RAP1A: variants seen among roughly 807,000 people sequenced by gnomAD.
The protein encoded by RAP1A is ras-related protein Rap-1A.
Under a neutral mutation model 26.4 loss-of-function variants are expected in RAP1A, and 6 were observed. That is an observed-to-expected ratio of 0.23 (90% CI 0.12 to 0.45). The LOEUF (loss-of-function observed/expected upper bound fraction) is 0.45, where lower values mean the gene tolerates loss of function less well. Among genes scored for constraint, RAP1A ranks in the 20% least tolerant of loss-of-function variants. The pLI is 0.99. For missense variants in RAP1A, 121 were observed against 217.2 expected, an observed-to-expected ratio of 0.56 and a Z score of 2.78; for synonymous variants, 73 against 79.4, an observed-to-expected ratio of 0.92 and a Z score of 0.43.
chr1:111,547,286 T>C (rs1657067197), intron 1 of RAP1A, among the ~76,000 whole-genome samples: 1 of 152,124 alleles, frequency 6.6e-6, no homozygotes, highest in Non-Finnish European at 1.5e-5. Flanking sequence ...TGGTCTGGTG[T>C]GTTTTTAAAT....
chr1:111,586,645 A>C (rs1658370262), intron 1 of RAP1A, among the ~76,000 whole-genome samples: 1 of 152,208 alleles, frequency 6.6e-6, no homozygotes, highest in Non-Finnish European at 1.5e-5. Context: ...GAACTGATGA[A>C]CTGAGATGTC....
At chr1:111,624,846 A>G (rs936301200) in intron 1 of RAP1A, among the ~76,000 whole-genome samples, 7 of 152,206 alleles carry the variant, frequency 4.6e-5, no homozygotes, top group Admixed American at 4.6e-4. Flanking sequence ...ATAAACTCCA[A>G]TCAGTAGACA....
intron 1 of RAP1A, among the ~76,000 whole-genome samples, chr1:111,688,813 T>G (rs543031523): frequency 8.2e-5 from 6 of 73,148 alleles, no homozygotes; most frequent in Non-Finnish European, 1.5e-4. Flanking sequence ...TTTTTGTTTT[T>G]TTTTTTTTGT....
chr1:111,609,786 C>T (rs529231654), intron 1 of RAP1A, among the ~76,000 whole-genome samples: 3 of 152,268 alleles, frequency 2.0e-5, no homozygotes, highest in African/African-American at 4.8e-5. Flanking sequence ...CAGGCACGCA[C>T]CACCATACCC....
At chr1:111,635,225 T>A (rs1402315146) in intron 1 of RAP1A, among the ~76,000 whole-genome samples, 1 of 152,192 alleles carries the variant, frequency 6.6e-6, no homozygotes, top group African/African-American at 2.4e-5. Context: ...TTGGAAACCT[T>A]TTGATTCTTC....
At chr1:111,564,059 G>A (rs1657855148) in intron 1 of RAP1A, 2 of 811,842 alleles carry the variant, frequency 2.5e-6, no homozygotes, top group Middle Eastern at 3.5e-4. Flanking sequence ...CTGTTTTGGG[G>A]GGTAGAGAAT....
chr1:111,709,489 T>TG lies in RAP1A; in HGVS notation c.*29+226dup, dbSNP rs144285094. ...GACCATTTCTGTTTTTTCTTGCCAC[T>TG]GTGTCCCCAGTGCTTGATACAGAGT... On this transcript the variant is annotated intron_variant, in intron 7 of 7. Transcript: ENST00000369709. 0.064 allele frequency among the ~76,000 whole-genome samples: 9,695 copies of TG among 152,256 alleles called. 404 individuals are homozygous for TG. Among genetic ancestry groups the TG allele is most frequent in the Middle Eastern group, 0.12 (36 of 294 alleles).
intron 4 of RAP1A, among the ~76,000 whole-genome samples, chr1:111,700,290 T>C (rs778704206): frequency 6.6e-6 from 1 of 152,242 alleles, no homozygotes; most frequent in Non-Finnish European, 1.5e-5. Flanking sequence ...TTTAATTGGC[T>C]CATGGTTCTG....
rs144419165 is a variant in RAP1A at position 111,710,864 on chromosome 1, G to A, written c.*30-1567G>A. On this transcript the variant is annotated intron_variant, in intron 7 of 7. Transcript: ENST00000369709. Reference sequence around the variant, plus strand: ...TTTCTTTTTTTTGAGACGGAGTCTCGCCTTGTCACCCAGGCTGGAGTACAG... The same window carrying A: ...TTTCTTTTTTTTGAGACGGAGTCTCACCTTGTCACCCAGGCTGGAGTACAG... Among the ~76,000 whole-genome samples the A allele has an allele frequency of 4.1e-3, 621 of 152,078 alleles. 7 individuals carry two copies. Among genetic ancestry groups the A allele is most frequent in the African/African-American group, 0.014 (596 of 41,464 alleles).
At chr1:111,662,961 C>G (rs1437539925) in intron 1 of RAP1A, among the ~76,000 whole-genome samples, 1 of 152,156 alleles carries the variant, frequency 6.6e-6, no homozygotes, top group Non-Finnish European at 1.5e-5. Context: ...TGTCGCCAGG[C>G]TGGAGCAAGT....
chr1:111,684,886 T>A (rs1216164039), intron 1 of RAP1A, among the ~76,000 whole-genome samples: 1 of 152,090 alleles, frequency 6.6e-6, no homozygotes, highest in Admixed American at 6.5e-5. Context: ...CAAACTATAC[T>A]ATAAGGCTGC....
At chr1:111,573,683 T>C (rs1247306962) in intron 1 of RAP1A, among the ~76,000 whole-genome samples, 2 of 152,240 alleles carry the variant, frequency 1.3e-5, no homozygotes, top group Admixed American at 6.5e-5. Flanking sequence ...TGGTATCTAA[T>C]GTGGTTTTGA....
intron 1 of RAP1A, among the ~76,000 whole-genome samples, chr1:111,674,893 T>G (rs571491156): frequency 6.6e-6 from 1 of 152,318 alleles, no homozygotes; most frequent in South Asian, 2.1e-4. Context: ...CTCTAGTCTC[T>G]TCTTTCTTCA....
chr1:111,615,116 A>T (rs903252503), upstream of RAP1A, among the ~76,000 whole-genome samples: 3 of 152,132 alleles, frequency 2.0e-5, no homozygotes, highest in African/African-American at 7.2e-5. Context: ...GAGTTACAGC[A>T]AGTAGTTTGA....
intron 1 of RAP1A, among the ~76,000 whole-genome samples, chr1:111,611,516 C>T (rs112931221): frequency 0.017 from 2,635 of 152,240 alleles, 75 homozygotes; most frequent in African/African-American, 0.06. Flanking sequence ...TAATGAATAA[C>T]GGTTTATCTT....
intron 1 of RAP1A, among the ~76,000 whole-genome samples, chr1:111,575,155 CTT>C (rs879651592): frequency 6.8e-6 from 1 of 146,548 alleles, no homozygotes; most frequent in Non-Finnish European, 1.5e-5. Flanking sequence ...TTCTTTCTTT[CTT>C]TTTTTTTTTG....
intron 1 of RAP1A, among the ~76,000 whole-genome samples, chr1:111,678,719 G>T (rs1310121437): frequency 1.3e-5 from 2 of 150,916 alleles, no homozygotes; most frequent in African/African-American, 4.9e-5. Context: ...AATAGAGTCT[G>T]TTGACTGAAA....
intron 1 of RAP1A, among the ~76,000 whole-genome samples, chr1:111,607,721 CG>C (rs1658821132): frequency 1.4e-5 from 2 of 142,334 alleles, no homozygotes; most frequent in African/African-American, 2.6e-5. Flanking sequence ...CCGGACGGGG[CG>C]GCTGGCCGGG....
rs532162011 is a variant in RAP1A at position 111,619,869 on chromosome 1, G to A, written c.-93G>A. ...GCCGGAGCAGGAGCCACGGCCGAGA[G>A]GAGGGAGGAGGAGGAGGAGGAGGTG... On this transcript the variant is annotated 5_prime_UTR_variant, in exon 1 of 8. Transcript: ENST00000369709. 3.0e-5 allele frequency: 12 copies of A among 398,106 alleles called. 2 individuals are homozygous for A. The South Asian group carries it at 1.5e-3, about 51-fold the overall frequency. 24.7% of individuals were successfully genotyped at this position (398,106 alleles called of 1,614,324 possible).
Sources: allele counts gnomAD v4.1 joint callset (sites outside exome capture counted in the v4.1 genomes callset), GRCh38; gene constraint gnomAD v4.1.1; transcripts MANE v1.5; gene names NCBI Gene and HGNC (gene_info 2026-07-23, HGNC 2026-07-21).